The following DOCK3 variants were observed in gnomAD, a reference collection of about 807,000 sequenced individuals.
DOCK3 encodes dedicator of cytokinesis protein 3.
Under a neutral mutation model 265.6 loss-of-function variants are expected in DOCK3, and 60 were observed. The ratio of observed to expected loss-of-function variants is 0.23; its 90% CI spans 0.18 to 0.28. DOCK3 has a LOEUF of 0.28. DOCK3 is among the 10% of genes least tolerant of loss of function. The pLI, the probability that DOCK3 is intolerant of heterozygous loss-of-function variation, is 1.00. For synonymous variants in DOCK3, 881 were observed against 938.0 expected (o/e 0.94, Z 1.11); for missense variants, 1,981 against 2,594.3 (o/e 0.76, Z 5.14).
intron 1 of DOCK3, among the ~76,000 whole-genome samples, chr3:50,748,351 T>C (rs1461021511): frequency 6.6e-6 from 1 of 152,118 alleles, no homozygotes; most frequent in African/African-American, 2.4e-5. Flanking sequence ...TCTTGTAAAG[T>C]TGACTTTTTA....
At position 50,787,337 on chromosome 3, in the gene DOCK3, A is replaced by G. The variant is rs1248960513; in HGVS notation, c.121+8579A>G. ...GATCACCTGAGGTCAGGAGTTCGAG[A>G]CCAGCCTGATCAACATGTAGAAACC... On this transcript the variant is annotated intron_variant, in intron 2 of 52. Transcript: ENST00000266037. 8.3e-5 allele frequency: 34 copies of G among 411,066 alleles called. No homozygotes were observed. In the Admixed American group the frequency reaches 1.3e-3, roughly 15 times the overall value. The allele number at this position is 411,066 out of a possible 1,614,324, so 25.5% of individuals were successfully genotyped here. A position where few individuals can be genotyped will look rare whatever the true frequency, so the allele number is the denominator to read the frequency against.
At chr3:51,060,611 T>C (rs973095617) in intron 5 of DOCK3, among the ~76,000 whole-genome samples, 1 of 152,332 alleles carries the variant, frequency 6.6e-6, no homozygotes, top group South Asian at 2.1e-4. Context: ...TTTCTACATA[T>C]TGCTAGCCAG....
chr3:50,700,220 A>C (rs982929124), intron 1 of DOCK3, among the ~76,000 whole-genome samples: 1 of 152,236 alleles, frequency 6.6e-6, no homozygotes, highest in African/African-American at 2.4e-5. Flanking sequence ...TGGAGGTTGC[A>C]ATGAGCGGAG....
At chr3:51,371,901 G>C (rs996770755) in intron 49 of DOCK3, among the ~76,000 whole-genome samples, 2 of 152,238 alleles carry the variant, frequency 1.3e-5, no homozygotes, top group African/African-American at 2.4e-5. Context: ...ACCTGAGCAA[G>C]ACAGTATACA....
chr3:50,775,827 A>G lies in DOCK3; in HGVS notation c.38-2848A>G, dbSNP rs2041562211. ...ATAGCGTAGCTCCCACTTATAGATG[A>G]GAACATATGGTATTTGCTTTCCCAT... On this transcript the variant is annotated intron_variant, in intron 1 of 52. Transcript: ENST00000266037. Among the ~76,000 whole-genome samples, 4 of 127,344 alleles carry G rather than the reference A, an allele frequency of 3.1e-5. No individual in the cohort carries two copies. In the South Asian group the frequency reaches 1.2e-3, roughly 39 times the overall value. The allele number at this position is 127,344 out of a possible 152,430, so 83.5% of individuals were successfully genotyped here. A position where few individuals can be genotyped will look rare whatever the true frequency, so the allele number is the denominator to read the frequency against.
chr3:51,034,468 G>C (rs936322803), intron 5 of DOCK3, among the ~76,000 whole-genome samples: 2 of 151,960 alleles, frequency 1.3e-5, no homozygotes, highest in Non-Finnish European at 2.9e-5. Context: ...AGTTAGTATT[G>C]TTCCACTTCA....
At chr3:50,916,274 T>C (rs1269578450) in intron 4 of DOCK3, among the ~76,000 whole-genome samples, 4 of 151,936 alleles carry the variant, frequency 2.6e-5, no homozygotes, top group Non-Finnish European at 2.9e-5. Context: ...TCCTTACTGT[T>C]GGGATAAGTC....
rs941187146 is a variant in DOCK3, at chr3:51,357,128, C to T, written c.4670C>T (p.Ala1557Val). Reference sequence around the variant, plus strand: ...GATGCAGCTGTCAATGGAGGCATTGCACGCTATCAGGAGGTAAGCTGTGGC... The same window carrying T: ...GATGCAGCTGTCAATGGAGGCATTGTACGCTATCAGGAGGTAAGCTGTGGC... ...VIDAAVNGGI[A>V]RYQEAFFDKD... Residue 1557 changes from alanine to valine, a missense_variant, in exon 44 of 53, where the codon GCA (alanine) becomes GTA (valine). By Grantham distance (64) the Ala-to-Val change is moderately conservative (BLOSUM62 0). Coordinates refer to ENST00000266037, the MANE Select transcript of DOCK3 (RefSeq NM_004947.5). The T allele has an allele frequency of 2.5e-6, 4 of 1,611,914 alleles. No homozygotes were observed. Among genetic ancestry groups the T allele is most frequent in the African/African-American group, 2.7e-5 (2 of 74,884 alleles).
intron 3 of DOCK3, among the ~76,000 whole-genome samples, chr3:50,859,578 C>A (rs1000343208): frequency 6.6e-6 from 1 of 152,000 alleles, no homozygotes; most frequent in Non-Finnish European, 1.5e-5. Context: ...GATTTTTTCT[C>A]ATCTCTGCAT....
At chr3:51,175,009 A>G (rs942983636) in intron 12 of DOCK3, among the ~76,000 whole-genome samples, 29 of 152,204 alleles carry the variant, frequency 1.9e-4, no homozygotes, top group African/African-American at 6.8e-4. Flanking sequence ...GGCCAGTTAC[A>G]GATGTACAGA....
chr3:51,284,677 CAAT>C (rs2081314106), intron 27 of DOCK3, among the ~76,000 whole-genome samples: 4 of 152,124 alleles, frequency 2.6e-5, no homozygotes, highest in Admixed American at 6.5e-5. Flanking sequence ...AGCAAACAAA[CAAT>C]AACCATTTAG....
At chr3:51,343,527 A>G (rs1379239054) in intron 38 of DOCK3, among the ~76,000 whole-genome samples, 1 of 152,234 alleles carries the variant, frequency 6.6e-6, no homozygotes, top group Non-Finnish European at 1.5e-5. Context: ...ATGAACAAGG[A>G]CAAAAAGTAG....
intron 5 of DOCK3, among the ~76,000 whole-genome samples, chr3:50,964,090 A>G (rs1157179312): frequency 6.6e-6 from 1 of 152,252 alleles, no homozygotes; most frequent in Non-Finnish European, 1.5e-5. Flanking sequence ...CATTATTCAC[A>G]GAGCGTCAGG....
intron 23 of DOCK3, among the ~76,000 whole-genome samples, chr3:51,262,543 G>T (rs1388566935): frequency 1.3e-5 from 2 of 152,112 alleles, no homozygotes; most frequent in Non-Finnish European, 2.9e-5. Flanking sequence ...AGCCAGCAAG[G>T]TAACAAACCT....
intron 4 of DOCK3, among the ~76,000 whole-genome samples, chr3:50,906,159 G>T (rs370522444): frequency 7.2e-5 from 11 of 152,038 alleles, no homozygotes; most frequent in South Asian, 2.1e-4. Flanking sequence ...GCTGGATTCG[G>T]TTTGCCAGTA....
At chr3:51,301,297 T>C (rs1051332516) in intron 27 of DOCK3, among the ~76,000 whole-genome samples, 3 of 152,136 alleles carry the variant, frequency 2.0e-5, no homozygotes, top group Non-Finnish European at 4.4e-5. Flanking sequence ...TCTCTTTTCT[T>C]CTTTATTAAT....
At chr3:50,707,288 T>C (rs1222755277) in intron 1 of DOCK3, among the ~76,000 whole-genome samples, 1 of 149,934 alleles carries the variant, frequency 6.7e-6, no homozygotes, top group Admixed American at 6.7e-5. Context: ...ATACAAAAAA[T>C]TAGCCAGATG....
intron 5 of DOCK3, among the ~76,000 whole-genome samples, chr3:51,042,894 G>A (rs2080595621): frequency 6.6e-6 from 1 of 151,994 alleles, no homozygotes; most frequent in Non-Finnish European, 1.5e-5. Flanking sequence ...CAGGGAGGTT[G>A]AAAGATCTCT....
At chr3:51,272,919 C>G (rs1416414137) in intron 24 of DOCK3, among the ~76,000 whole-genome samples, 1 of 152,034 alleles carries the variant, frequency 6.6e-6, no homozygotes, top group African/African-American at 2.4e-5. Context: ...AATCCCAGCA[C>G]TTTGGGAGGC....
Sources: allele counts gnomAD v4.1 joint callset (sites outside exome capture counted in the v4.1 genomes callset), GRCh38; gene constraint gnomAD v4.1.1; transcripts MANE v1.5; gene names NCBI Gene and HGNC (gene_info 2026-07-23, HGNC 2026-07-21).